MYO18B: variants seen among roughly 807,000 people sequenced by gnomAD.
MYO18B encodes myosin XVIIIB.
A neutral mutation model predicts 273.0 loss-of-function variants in MYO18B; 204 were observed. The ratio of observed to expected loss-of-function variants is 0.75; its 90% CI spans 0.67 to 0.84. The LOEUF is 0.84. Among genes scored for constraint, MYO18B ranks in the 40% least tolerant of loss-of-function variants. MYO18B has a pLI of 0.00. For missense variants in MYO18B, 3,212 were observed against 3,287.6 expected (o/e 0.98, Z 0.56); for synonymous variants, 1,330 against 1,305.7 (o/e 1.02, Z -0.40).
chr22:26,025,982 C>G (rs931255795), intron 42 of MYO18B, among the ~76,000 whole-genome samples: 1 of 152,184 alleles, frequency 6.6e-6, no homozygotes, highest in African/African-American at 2.4e-5. Context: ...ATGGGGTATC[C>G]CGTGGAGACA....
At chr22:25,992,749 C>T (rs2093283231) in intron 40 of MYO18B, among the ~76,000 whole-genome samples, 1 of 152,230 alleles carries the variant, frequency 6.6e-6, no homozygotes, top group South Asian at 2.1e-4. Context: ...GGAACAAGGA[C>T]TAGCGTATGG....
At chr22:25,944,308 C>T (rs896895986) in intron 34 of MYO18B, among the ~76,000 whole-genome samples, 8 of 152,178 alleles carry the variant, frequency 5.3e-5, no homozygotes, top group Non-Finnish European at 1.0e-4. Flanking sequence ...AAATGGGCCC[C>T]CAGCCCTCTT....
At chr22:25,932,827 ATT>A (rs61435665) in intron 34 of MYO18B, among the ~76,000 whole-genome samples, 3 of 149,626 alleles carry the variant, frequency 2.0e-5, no homozygotes, top group African/African-American at 4.9e-5. Context: ...TGAGCAAAGA[ATT>A]TTTTTTTTTG....
intron 37 of MYO18B, among the ~76,000 whole-genome samples, chr22:25,951,268 G>A (rs982981833): frequency 6.6e-6 from 1 of 152,214 alleles, no homozygotes; most frequent in Admixed American, 6.5e-5. Context: ...GAGGAAGAGA[G>A]GGATTCTCCC....
chr22:25,937,134 C>T (rs569181135), intron 34 of MYO18B, among the ~76,000 whole-genome samples: 13 of 151,854 alleles, frequency 8.6e-5, no homozygotes, highest in African/African-American at 2.9e-4. Flanking sequence ...GGCGGGAGTG[C>T]AGTGAGTGGC....
At chr22:25,898,551 C>T (rs989673450) in intron 29 of MYO18B, 90 bp downstream of exon 29, 3 of 1,397,338 alleles carry the variant, frequency 2.1e-6, no homozygotes, top group East Asian at 4.6e-5. Context: ...CTCCTAACTC[C>T]CTCACTTCAA....
chr22:25,760,272 G>A (rs898060273), intron 1 of MYO18B, among the ~76,000 whole-genome samples: 1 of 151,878 alleles, frequency 6.6e-6, no homozygotes, highest in Non-Finnish European at 1.5e-5. Flanking sequence ...AAAATTAGCC[G>A]GGTGTGGTGG....
intron 39 of MYO18B, among the ~76,000 whole-genome samples, chr22:25,981,765 A>G (rs557461572): frequency 6.6e-6 from 1 of 152,332 alleles, no homozygotes; most frequent in South Asian, 2.1e-4. Flanking sequence ...TCATAAAGAT[A>G]CATAATAAAA....
chr22:26,022,458 G>C (rs1391269551), intron 42 of MYO18B, among the ~76,000 whole-genome samples: 1 of 152,190 alleles, frequency 6.6e-6, no homozygotes, highest in Non-Finnish European at 1.5e-5. Context: ...TATACAGAAA[G>C]AAGTGGATGC....
intron 15 of MYO18B, among the ~76,000 whole-genome samples, chr22:25,830,599 C>T (rs2089670725): frequency 6.6e-6 from 1 of 152,186 alleles, no homozygotes; most frequent in Admixed American, 6.5e-5. Flanking sequence ...GTCCCATCCT[C>T]CAGCAGGCTA....
intron 11 of MYO18B, among the ~76,000 whole-genome samples, chr22:25,792,481 C>CT (rs376827286): frequency 7.3e-5 from 4 of 54,436 alleles, no homozygotes; most frequent in Admixed American, 2.7e-4. Context: ...TGTGATGTTT[C>CT]TTTTTTTTTT....
chr22:26,041,083 G>A, the MYO18B span, among the ~76,000 whole-genome samples: 2 of 152,168 alleles, frequency 1.3e-5, no homozygotes. Flanking sequence ...CTGTGACCCA[G>A]GACAGCTCTG....
At chr22:25,755,275 C>T (rs912400798) in intron 1 of MYO18B, among the ~76,000 whole-genome samples, 3 of 152,198 alleles carry the variant, frequency 2.0e-5, no homozygotes, top group South Asian at 2.1e-4. Flanking sequence ...GGCTCGATCT[C>T]GGCTCACCGC....
chr22:25,992,401 C>G lies in MYO18B; in HGVS notation c.6195C>G (p.Thr2065=), dbSNP rs367818164. 1.4e-5 allele frequency: 22 copies of G among 1,613,892 alleles called. No homozygotes were observed. Among genetic ancestry groups the G allele is most frequent in the Middle Eastern group, 3.3e-4 (2 of 6,084 alleles). ...AGGAACTTGCAGCAGTGAGGCAAACCCTCCAGACAGACCTGGAGACATCCA... is the reference window on the plus strand; with the variant it reads ...AGGAACTTGCAGCAGTGAGGCAAACGCTCCAGACAGACCTGGAGACATCCA... ...YVEELAAVRQ[T]LQTDLETSIR... Residue 2065 remains threonine, a synonymous_variant, in exon 40 of 44, where the codon ACC becomes ACG. Coordinates refer to ENST00000335473, the MANE Select transcript of MYO18B (RefSeq NM_032608.7).
chr22:25,876,287 T>C lies in MYO18B; in HGVS notation c.4179T>C (p.Pro1393=), dbSNP rs1187318332. 1 of 1,613,442 alleles carries C rather than the reference T, an allele frequency of 6.2e-7. No individual in the cohort carries two copies. The highest frequency in any genetic ancestry group is 8.5e-7 in the Non-Finnish European group (1 of 1,179,666). The part of the protein sequence containing the change: ...PWWQLLGSLQ[P]LLSATIGTEQ... ...GGCAGCTGCTTGGTTCCCTCCAGCC[T>C]CTACTTAGTGCCACCATTGGAACTG... The change falls in exon 24 of 44, where the codon CCT becomes CCC. Residue 1393 remains proline (P), a synonymous_variant. Transcript: ENST00000335473.
chr22:25,832,580 A>G (rs2145935737), intron 15 of MYO18B, among the ~76,000 whole-genome samples: 1 of 152,332 alleles, frequency 6.6e-6, no homozygotes, highest in Middle Eastern at 3.4e-3. Context: ...AGTTGAGATC[A>G]GAGGCACAGA....
chr22:25,985,885 G>A (rs1031340942), intron 39 of MYO18B, among the ~76,000 whole-genome samples: 4 of 152,080 alleles, frequency 2.6e-5, no homozygotes, highest in Non-Finnish European at 5.9e-5. Flanking sequence ...ACCCTCCTCG[G>A]CCTCCTAAAG....
At chr22:25,888,623 C>T (rs528975411) in intron 25 of MYO18B, among the ~76,000 whole-genome samples, 6 of 140,552 alleles carry the variant, frequency 4.3e-5, no homozygotes, top group South Asian at 2.2e-4. Context: ...CCCTGGTGCA[C>T]GGTGTAAGGA....
Position 25,992,409 on chromosome 22 carries a change from C to T in MYO18B, c.6203C>T (p.Thr2068Ile). Residue 2068 changes from threonine (T) to isoleucine (I), a missense_variant, in exon 40 of 44, where the codon ACA becomes ATA. Transcript: ENST00000335473. ...ELAAVRQTLQTDLETSIRRIA... is the reference protein window; with the variant it reads ...ELAAVRQTLQIDLETSIRRIA... ...GCAGCAGTGAGGCAAACCCTCCAGA[C>T]AGACCTGGAGACATCCATTCGGCGG... is the stretch of plus-strand genomic sequence containing the variant. The T allele has an allele frequency of 1.2e-6, 2 of 1,614,032 alleles. No individual in the cohort carries two copies. The highest frequency in any genetic ancestry group is 1.7e-6 in the Non-Finnish European group (2 of 1,179,890).
Sources: allele counts gnomAD v4.1 joint callset (sites outside exome capture counted in the v4.1 genomes callset), GRCh38; gene constraint gnomAD v4.1.1; transcripts MANE v1.5; gene names NCBI Gene and HGNC (gene_info 2026-07-23, HGNC 2026-07-21).